Variants in VPS13B observed in about 807,000 individuals in gnomAD.
VPS13B encodes the protein intermembrane lipid transfer protein VPS13B.
In VPS13B, 285 loss-of-function variants were observed where a neutral mutation model predicts 426.4. That is an observed-to-expected ratio of 0.67 (90% confidence interval 0.61 to 0.74). VPS13B has a LOEUF of 0.74. Ranked by LOEUF, VPS13B falls within the 30% of genes least tolerant of loss-of-function variation. The pLI is 0.00. For synonymous variants in VPS13B, 1,676 were observed against 1,676.4 expected (o/e 1.00, Z 0.01); for missense variants, 4,537 against 4,782.6 (o/e 0.95, Z 1.51).
chr8:99,196,467 G>T (rs1179495734), intron 17 of VPS13B, among the ~76,000 whole-genome samples: 96 of 127,164 alleles, frequency 7.5e-4, no homozygotes, highest in African/African-American at 2.0e-3. Context: ...GTCTTTAGGG[G>T]TTTTTTTTTT....
At chr8:99,163,214 C>T (rs1042603064) in intron 15 of VPS13B, among the ~76,000 whole-genome samples, 5 of 152,270 alleles carry the variant, frequency 3.3e-5, no homozygotes, top group East Asian at 1.9e-4. Flanking sequence ...TACAGAGTGA[C>T]GATTGGTGCA....
At chr8:99,172,064 C>G (rs533009051) in intron 16 of VPS13B, among the ~76,000 whole-genome samples, 88 of 152,278 alleles carry the variant, frequency 5.8e-4, no homozygotes, top group African/African-American at 2.1e-3. Flanking sequence ...CTACCTTAGA[C>G]TTGTCCATGA....
intron 23 of VPS13B, among the ~76,000 whole-genome samples, chr8:99,457,252 G>C (rs1048505295): frequency 6.6e-5 from 10 of 152,002 alleles, no homozygotes; most frequent in African/African-American, 2.4e-4. Context: ...GGCTGGTCTT[G>C]AACTCCTGAC....
At chr8:99,452,218 A>G (rs1365461094) in intron 23 of VPS13B, among the ~76,000 whole-genome samples, 3 of 152,162 alleles carry the variant, frequency 2.0e-5, no homozygotes, top group Non-Finnish European at 4.4e-5. Context: ...GTGCCTTAGC[A>G]TATGCTACAA....
intron 22 of VPS13B, among the ~76,000 whole-genome samples, chr8:99,432,285 A>G (rs959474373): frequency 1.6e-4 from 25 of 152,234 alleles, no homozygotes; most frequent in Admixed American, 5.2e-4. Context: ...AGACATCCTT[A>G]TAGAATTTTG....
intron 8 of VPS13B, among the ~76,000 whole-genome samples, chr8:99,127,183 C>T (rs1848221880): frequency 6.6e-6 from 1 of 151,890 alleles, no homozygotes; most frequent in Non-Finnish European, 1.5e-5. Context: ...TGCTTCTCCT[C>T]TTCTGTATGA....
At chr8:99,425,933 T>C (rs1435089890) in intron 21 of VPS13B, among the ~76,000 whole-genome samples, 1 of 152,154 alleles carries the variant, frequency 6.6e-6, no homozygotes, top group Non-Finnish European at 1.5e-5. Flanking sequence ...TATTATACTT[T>C]AAGTTTTAGG....
At chr8:99,806,046 C>G (rs116493786) in intron 43 of VPS13B, among the ~76,000 whole-genome samples, 208 of 152,306 alleles carry the variant, frequency 1.4e-3, no homozygotes, top group African/African-American at 4.9e-3. Context: ...GTATTTCTAG[C>G]CCACGTTGCC....
chr8:99,383,612 T>G (rs1813954884), intron 19 of VPS13B, among the ~76,000 whole-genome samples: 1 of 152,176 alleles, frequency 6.6e-6, no homozygotes, highest in Non-Finnish European at 1.5e-5. Flanking sequence ...CTCTTAGCAG[T>G]TATTTCTACT....
chr8:99,511,212 G>T lies in VPS13B; in HGVS notation c.4333G>T (p.Glu1445Ter), dbSNP rs754954281. 1 of 1,614,054 alleles carries T rather than the reference G, an allele frequency of 6.2e-7. No individual in the cohort carries two copies. The highest frequency in any genetic ancestry group is 1.1e-5 in the South Asian group (1 of 91,076). The stretch of plus-strand genomic sequence containing the variant: ...CCGCCACAAGTTAACATCAAGAAAT[G>T]AGCGAAGAAGTTTTCATAAGTTATC... ...NVRHKLTSRNERRSFHKLSEG... is the reference protein window; with the variant it reads ...NVRHKLTSRN Residue 1445 changes from glutamate to a stop codon, truncating the protein, a stop_gained, in exon 29 of 62, where the codon GAG becomes TAG. Coordinates refer to ENST00000357162, the MANE Select transcript of VPS13B (RefSeq NM_152564.5). LOFTEE classifies it high-confidence loss of function.
At chr8:99,790,602 C>T (rs2130724121) in intron 43 of VPS13B, among the ~76,000 whole-genome samples, 1 of 152,074 alleles carries the variant, frequency 6.6e-6, no homozygotes, top group African/African-American at 2.4e-5. Context: ...GAAGAAATGC[C>T]AGGGAATCAG....
chr8:99,121,481 A>G (rs373114020), intron 8 of VPS13B, 36 bp downstream of exon 8: 2 of 1,609,422 alleles, frequency 1.2e-6, no homozygotes, highest in Non-Finnish European at 1.7e-6. Flanking sequence ...ATCTCTATCA[A>G]CTTTAATGCT....
At chr8:99,231,619 T>C (rs142966436) in intron 17 of VPS13B, among the ~76,000 whole-genome samples, 260 of 152,306 alleles carry the variant, frequency 1.7e-3, no homozygotes, top group African/African-American at 6.1e-3. Flanking sequence ...TCCAGGCTGG[T>C]TGTTGATATC....
intron 29 of VPS13B, among the ~76,000 whole-genome samples, chr8:99,512,397 T>C (rs1250891863): frequency 6.6e-6 from 1 of 152,246 alleles, no homozygotes; most frequent in Non-Finnish European, 1.5e-5. Flanking sequence ...ATGACCTTTA[T>C]GCTTTTTCCT....
At chr8:99,478,434 G>T (rs899118983) in intron 24 of VPS13B, among the ~76,000 whole-genome samples, 19 of 80,156 alleles carry the variant, frequency 2.4e-4, no homozygotes, top group South Asian at 8.1e-4. Context: ...TGAGACAGTT[G>T]TTTTTTTGTT....
chr8:99,339,611 T>G (rs1485133013), intron 19 of VPS13B, among the ~76,000 whole-genome samples: 1 of 152,010 alleles, frequency 6.6e-6, no homozygotes, highest in Non-Finnish European at 1.5e-5. Context: ...CACGTCAGTT[T>G]TTTTTTTTTT....
chr8:99,572,144 G>A (rs1240503790), intron 31 of VPS13B, among the ~76,000 whole-genome samples: 1 of 152,120 alleles, frequency 6.6e-6, no homozygotes, highest in Non-Finnish European at 1.5e-5. Context: ...AGCTTGAAGG[G>A]AAATTTGAGG....
intron 31 of VPS13B, among the ~76,000 whole-genome samples, chr8:99,559,590 G>A (rs998299483): frequency 1.3e-5 from 2 of 152,184 alleles, no homozygotes; most frequent in African/African-American, 4.8e-5. Context: ...TGTATAAGGT[G>A]TAAGGAAGGG....
chr8:99,362,152 T>G (rs1812601011), intron 19 of VPS13B, among the ~76,000 whole-genome samples: 1 of 147,586 alleles, frequency 6.8e-6, no homozygotes, highest in African/African-American at 2.5e-5. Flanking sequence ...TTTTTTTTTT[T>G]TTTTTTTTGA....
Sources: gnomAD v4.1 joint callset for allele counts (sites outside exome capture counted in the v4.1 genomes callset) on GRCh38, gnomAD v4.1.1 for gene constraint, MANE v1.5 for transcripts, NCBI Gene and HGNC (gene_info 2026-07-23, HGNC 2026-07-21) for gene names.